Variants in DAB1 observed in about 807,000 individuals in gnomAD.
The protein encoded by DAB1 is DAB adaptor protein 1.
A neutral mutation model predicts 64.6 loss-of-function variants in DAB1; 15 were observed. That is an observed-to-expected ratio of 0.23 (90% confidence interval 0.16 to 0.36). The LOEUF (loss-of-function observed/expected upper bound fraction) is 0.36. Among genes scored for constraint, DAB1 ranks in the 10% least tolerant of loss-of-function variants. DAB1 has a pLI of 1.00. For missense variants in DAB1, 596 were observed against 706.7 expected, an observed-to-expected ratio of 0.84 and a Z score of 1.78; for synonymous variants, 235 against 251.9, an observed-to-expected ratio of 0.93 and a Z score of 0.64.
intron 1 of DAB1, among the ~76,000 whole-genome samples, chr1:57,323,306 A>T (rs1675875184): frequency 6.6e-6 from 1 of 152,204 alleles, no homozygotes; most frequent in African/African-American, 2.4e-5. Context: ...CCTTAATCAG[A>T]CAAGGAAGGC....
rs12063797 is a variant in DAB1, at chr1:57,207,991, C to T, written c.68-62562G>A. On this transcript the variant is annotated intron_variant, in intron 2 of 14. Coordinates refer to ENST00000371236, the MANE Select transcript of DAB1 (RefSeq NM_001365792.1). ...TGGAACCCAAGGTGGGGAAATACTTCCTGTCTTAGTTTGAGCTGCCCTAAA... is the reference window on the plus strand; with the variant it reads ...TGGAACCCAAGGTGGGGAAATACTTTCTGTCTTAGTTTGAGCTGCCCTAAA... Among the ~76,000 whole-genome samples the T allele has an allele frequency of 4.6e-3, 703 of 152,240 alleles. 5 individuals are homozygous for T. The highest frequency in any genetic ancestry group is 0.016 in the African/African-American group (668 of 41,546).
chr1:57,245,813 G>T (rs911864325), intron 2 of DAB1, among the ~76,000 whole-genome samples: 1 of 152,062 alleles, frequency 6.6e-6, no homozygotes, highest in African/African-American at 2.4e-5. Flanking sequence ...GGGATCGCTG[G>T]GTCAAATATT....
chr1:58,294,060 TG>T (rs1446591558), intron 4 of DAB1, among the ~76,000 whole-genome samples: 1 of 152,176 alleles, frequency 6.6e-6, no homozygotes, highest in Admixed American at 6.5e-5. Context: ...CACTCATGGC[TG>T]GGTCCTTTAG....
At chr1:58,536,660 C>T (rs1333099443) in intron 1 of DAB1, 2 of 872,716 alleles carry the variant, frequency 2.3e-6, no homozygotes, top group Non-Finnish European at 4.0e-6. Flanking sequence ...CAAGGAATAG[C>T]TTCCATTTAT....
intron 11 of DAB1, among the ~76,000 whole-genome samples, chr1:57,018,477 T>A (rs1038115189): frequency 1.3e-5 from 2 of 152,214 alleles, no homozygotes; most frequent in African/African-American, 4.8e-5. Context: ...AGTTAGAGAA[T>A]TATATTCATT....
intron 11 of DAB1, among the ~76,000 whole-genome samples, chr1:57,022,193 C>A (rs948605092): frequency 7.2e-5 from 11 of 152,054 alleles, no homozygotes; most frequent in Admixed American, 3.9e-4. Flanking sequence ...AAGTTTGGGG[C>A]CATCATCTGT....
At chr1:57,036,041 C>A (rs1570560515) in intron 9 of DAB1, among the ~76,000 whole-genome samples, 2 of 151,916 alleles carry the variant, frequency 1.3e-5, no homozygotes, top group African/African-American at 4.8e-5. Context: ...CGGGGTTTTG[C>A]CAGTTTGGCC....
intron 7 of DAB1, among the ~76,000 whole-genome samples, chr1:57,491,755 G>C (rs1035665227): frequency 1.1e-4 from 16 of 152,230 alleles, no homozygotes; most frequent in Non-Finnish European, 2.2e-4. Flanking sequence ...TATAGAAGCA[G>C]AGGAGAGGTT....
chr1:57,629,930 G>A (rs1645968277), intron 7 of DAB1, among the ~76,000 whole-genome samples: 1 of 151,880 alleles, frequency 6.6e-6, no homozygotes, highest in Non-Finnish European at 1.5e-5. Context: ...AGAGCTTAAT[G>A]TTCATAACAT....
chr1:57,396,441 T>C (rs475078), intron 1 of DAB1, among the ~76,000 whole-genome samples: 5,873 of 152,272 alleles, frequency 0.039, 352 homozygotes, highest in African/African-American at 0.13. Flanking sequence ...GATCCCAGGA[T>C]GCCACATTTG....
chr1:57,425,360 T>C (rs867271349), upstream of DAB1, among the ~76,000 whole-genome samples: 1 of 152,308 alleles, frequency 6.6e-6, no homozygotes. Context: ...TTGGGGTGTT[T>C]TTTTTTCTCG....
chr1:57,122,727 A>G (rs1414496674), intron 4 of DAB1, among the ~76,000 whole-genome samples: 2 of 152,226 alleles, frequency 1.3e-5, no homozygotes, highest in African/African-American at 4.8e-5. Flanking sequence ...CCTTTCTTCA[A>G]TAAACCTGTT....
At chr1:57,691,501 C>T (rs1337816168) in intron 6 of DAB1, among the ~76,000 whole-genome samples, 1 of 152,064 alleles carries the variant, frequency 6.6e-6, no homozygotes, top group Non-Finnish European at 1.5e-5. Context: ...AAGCTTTATT[C>T]TTTCGCTCTT....
intron 3 of DAB1, among the ~76,000 whole-genome samples, chr1:58,390,514 C>T (rs1321736176): frequency 4.6e-5 from 7 of 152,256 alleles, no homozygotes; most frequent in South Asian, 2.1e-4. Context: ...GTGGAAAGAA[C>T]GCAATCGTGG....
chr1:57,562,535 T>A (rs1645064951), intron 7 of DAB1, among the ~76,000 whole-genome samples: 1 of 152,142 alleles, frequency 6.6e-6, no homozygotes, highest in African/African-American at 2.4e-5. Flanking sequence ...TAGGTGACAA[T>A]ACATTGCAAG....
At chr1:57,957,637 A>G (rs2100260797) in intron 5 of DAB1, among the ~76,000 whole-genome samples, 1 of 152,334 alleles carries the variant, frequency 6.6e-6, no homozygotes, top group South Asian at 2.1e-4. Context: ...TGAGAAAAGC[A>G]GAATCCTGGA....
intron 3 of DAB1, among the ~76,000 whole-genome samples, chr1:58,505,374 C>T (rs1361685051): frequency 6.6e-6 from 1 of 152,114 alleles, no homozygotes; most frequent in African/African-American, 2.4e-5. Flanking sequence ...TAGAAGAGAG[C>T]GTGTAACGTG....
intron 1 of DAB1, among the ~76,000 whole-genome samples, chr1:57,421,126 A>G (rs1178879568): frequency 6.6e-6 from 1 of 152,196 alleles, no homozygotes; most frequent in Non-Finnish European, 1.5e-5. Context: ...CAAGCCAAAC[A>G]CTCACCCATT....
intron 2 of DAB1, among the ~76,000 whole-genome samples, chr1:57,273,613 T>G: frequency 1.0e-5 from 1 of 97,764 alleles, no homozygotes; most frequent in Non-Finnish European, 2.0e-5. Context: ...CTTCCTTCCT[T>G]CCCTCCCTCC....
Sources: gnomAD v4.1 joint callset for allele counts (sites outside exome capture counted in the v4.1 genomes callset) on GRCh38, gnomAD v4.1.1 for gene constraint, MANE v1.5 for transcripts, NCBI Gene and HGNC (gene_info 2026-07-23, HGNC 2026-07-21) for gene names.